ANK3: variants seen among roughly 807,000 people sequenced by gnomAD.
ANK3 encodes the protein ankyrin-3.
ANK3 carries 57 observed loss-of-function variants against 370.9 expected under a neutral mutation model. The observed-to-expected ratio is 0.15, with a 90% CI of 0.12 to 0.19. ANK3 has a LOEUF of 0.19. Ranked by LOEUF, ANK3 falls within the 10% of genes least tolerant of loss-of-function variation. The pLI is 1.00. For synonymous variants in ANK3, 1,929 were observed against 1,946.3 expected, an observed-to-expected ratio of 0.99 and a Z score of 0.23; for missense variants, 4,439 against 5,302.1, an observed-to-expected ratio of 0.84 and a Z score of 5.06.
intron 38 of ANK3, among the ~76,000 whole-genome samples, chr10:60,065,167 A>C (rs1483329801): frequency 6.6e-6 from 1 of 152,164 alleles, no homozygotes; most frequent in Non-Finnish European, 1.5e-5. Context: ...TAAAAGGGAG[A>C]CAGCTTTCTG....
At chr10:60,059,480 A>G in intron 40 of ANK3, 50 bp from the exon 41 acceptor site, 1 of 1,502,666 alleles carries the variant, frequency 6.7e-7, no homozygotes, top group Non-Finnish European at 9.3e-7. Context: ...GCTTAAGAAT[A>G]GCCTGTACTT....
intron 30 of ANK3, 45 bp from the exon 31 acceptor site, chr10:60,085,298 C>T: frequency 4.1e-6 from 6 of 1,474,694 alleles, no homozygotes; most frequent in South Asian, 1.2e-5. Context: ...ATGGGAGATG[C>T]TCCTTGTAAA....
intron 2 of ANK3, among the ~76,000 whole-genome samples, chr10:60,564,750 G>A (rs1414198522): frequency 6.6e-6 from 1 of 152,096 alleles, no homozygotes; most frequent in East Asian, 1.9e-4. Context: ...GAAAGAAAAA[G>A]AAAGAATGAG....
intron 7 of ANK3, among the ~76,000 whole-genome samples, chr10:60,259,177 A>G (rs1397096885): frequency 1.3e-5 from 2 of 152,224 alleles, no homozygotes; most frequent in Non-Finnish European, 2.9e-5. Flanking sequence ...CAAAATTGCT[A>G]CAGATGTGGG....
chr10:60,436,035 C>T (rs1471587925), intron 2 of ANK3, among the ~76,000 whole-genome samples: 2 of 150,778 alleles, frequency 1.3e-5, no homozygotes, highest in Admixed American at 6.6e-5. Context: ...TTGCAGTGAG[C>T]GGAGATCGCG....
rs548824772 is a variant in ANK3 at position 60,149,748 on chromosome 10, G to A, written c.2615-10661C>T. 6.8e-4 allele frequency among the ~76,000 whole-genome samples: 104 copies of A among 152,280 alleles called. 1 individual carries two copies. Among genetic ancestry groups the A allele is most frequent in the African/African-American group, 2.4e-3 (101 of 41,550 alleles). Reference sequence around the variant, plus strand: ...ATTTGAGACGAAGTCTCGCTCTGTCGCCCAGGCTGGTGTGCAGTGGTACGA... The same window carrying A: ...ATTTGAGACGAAGTCTCGCTCTGTCACCCAGGCTGGTGTGCAGTGGTACGA... On this transcript the variant is annotated intron_variant, in intron 23 of 43. Transcript: ENST00000280772.
chr10:60,654,954 A>C (rs2078843454), intron 1 of ANK3, among the ~76,000 whole-genome samples: 1 of 152,182 alleles, frequency 6.6e-6, no homozygotes, highest in South Asian at 2.1e-4. Flanking sequence ...AGGGAGCTGA[A>C]AAACTCCTAT....
At chr10:60,469,233 A>G (rs994824294) in intron 2 of ANK3, among the ~76,000 whole-genome samples, 9 of 137,990 alleles carry the variant, frequency 6.5e-5, no homozygotes, top group East Asian at 2.2e-4. Flanking sequence ...ATATATATAT[A>G]TATATACCAC....
intron 18 of ANK3, among the ~76,000 whole-genome samples, chr10:60,181,070 T>C (rs936533566): frequency 1.3e-5 from 2 of 152,162 alleles, no homozygotes; most frequent in South Asian, 4.1e-4. Flanking sequence ...ACACATTTGT[T>C]GTAAGGAGGC....
rs1050573111 is a variant in ANK3 at position 60,208,301 on chromosome 10, T to C, written c.997-68A>G. 40 of 1,425,060 alleles carry C rather than the reference T, an allele frequency of 2.8e-5. No individual in the cohort carries two copies. In the African/African-American group the frequency reaches 5.4e-4, roughly 19 times the overall value. 88.3% of individuals were successfully genotyped at this position (1,425,060 alleles called of 1,614,324 possible). On this transcript the variant is annotated intron_variant, in intron 9 of 43. Transcript: ENST00000280772. ...AAACACAAATGTGCAGAACACAAAGTGCAAATATAAACAGATAAAAACTCC... is the reference window on the plus strand; with the variant it reads ...AAACACAAATGTGCAGAACACAAAGCGCAAATATAAACAGATAAAAACTCC...
At chr10:60,363,948 T>C (rs1347418861) in intron 1 of ANK3, among the ~76,000 whole-genome samples, 1 of 150,134 alleles carries the variant, frequency 6.7e-6, no homozygotes, top group African/African-American at 2.4e-5. Context: ...CCCACTGTAG[T>C]TAAAAAAGAG....
In ANK3 at chr10:60,181,392, T is replaced by C. The variant is rs2096182306; in HGVS notation, c.2121A>G (p.Glu707=). 1 of 1,614,194 alleles carries C rather than the reference T, an allele frequency of 6.2e-7. No homozygotes were observed. The highest frequency in any genetic ancestry group is 1.3e-5 in the African/African-American group (1 of 75,060). Residue 707 remains glutamate (E), a synonymous_variant, in exon 18 of 44, where the codon GAA becomes GAG. Coordinates refer to ENST00000280772, the MANE Select transcript of ANK3 (RefSeq NM_020987.5). ...GLTPLHLAAQ[E]DRVNVAEVLV... ...GGACTTCTGCCACATTCACTCGATCTTCTTGAGCAGCCAAATGGAGTGGGG... is the reference window on the plus strand; with the variant it reads ...GGACTTCTGCCACATTCACTCGATCCTCTTGAGCAGCCAAATGGAGTGGGG...
chr10:60,105,891 G>A lies in ANK3; in HGVS notation c.3328+14C>T, dbSNP rs373553170. The A allele has an allele frequency of 4.4e-5, 71 of 1,597,578 alleles. No individual in the cohort carries two copies. In the African/African-American group the frequency reaches 8.9e-4, roughly 20 times the overall value. ...CTGCAGACATTTACAGAACCAAGGA[G>A]CCATCATTATTACCTTCATCCATGC... On this transcript the variant is annotated intron_variant, in intron 28 of 43. Transcript: ENST00000280772.
chr10:60,149,400 A>C (rs1351501104), intron 23 of ANK3, among the ~76,000 whole-genome samples: 1 of 152,194 alleles, frequency 6.6e-6, no homozygotes, highest in Non-Finnish European at 1.5e-5. Context: ...CAGACTTTTC[A>C]GGTAGATGGA....
chr10:60,109,658 G>C (rs1451150128), intron 26 of ANK3, among the ~76,000 whole-genome samples: 1 of 152,194 alleles, frequency 6.6e-6, no homozygotes, highest in Non-Finnish European at 1.5e-5. Flanking sequence ...GGGCTTAAAA[G>C]CTGTCTGAAA....
At chr10:60,108,318 C>A in intron 27 of ANK3, 1 of 318,780 alleles carries the variant, frequency 3.1e-6, no homozygotes, top group Non-Finnish European at 6.2e-6. Context: ...GAAAGAGAAA[C>A]GAGAAGGGGA....
chr10:60,067,325 A>G (rs1306633465), intron 38 of ANK3, among the ~76,000 whole-genome samples: 1 of 152,254 alleles, frequency 6.6e-6, no homozygotes, highest in African/African-American at 2.4e-5. Context: ...GTTTACATAG[A>G]TAATGCAAAT....
intron 1 of ANK3, among the ~76,000 whole-genome samples, chr10:60,333,225 G>T (rs1202212591): frequency 6.6e-6 from 1 of 151,942 alleles, no homozygotes; most frequent in East Asian, 1.9e-4. Flanking sequence ...AGGTATACAC[G>T]TGTCATGGTG....
intron 2 of ANK3, among the ~76,000 whole-genome samples, chr10:60,456,795 G>A (rs895518439): frequency 6.6e-6 from 1 of 152,110 alleles, no homozygotes; most frequent in Non-Finnish European, 1.5e-5. Context: ...CTTGGGGATT[G>A]CCACCTGACT....
Sources: allele counts gnomAD v4.1 joint callset (sites outside exome capture counted in the v4.1 genomes callset), GRCh38; gene constraint gnomAD v4.1.1; transcripts MANE v1.5; gene names NCBI Gene and HGNC (gene_info 2026-07-23, HGNC 2026-07-21).